The following PLCH2 variants were observed in gnomAD, a reference collection of about 807,000 sequenced individuals.
PLCH2 encodes phospholipase C eta 2.
PLCH2 carries 98 observed loss-of-function variants against 134.7 expected under a neutral mutation model. The observed-to-expected ratio is 0.73, with a 90% CI of 0.62 to 0.86. The LOEUF (loss-of-function observed/expected upper bound fraction) is 0.86. PLCH2 is among the 40% of genes least tolerant of loss of function. The pLI is 0.00. For synonymous variants in PLCH2, 974 were observed against 827.5 expected, an observed-to-expected ratio of 1.18 and a Z score of -3.04; for missense variants, 1,994 against 1,986.6, an observed-to-expected ratio of 1.00 and a Z score of -0.07.
chr1:2,443,952 G>C (rs1639816605), intron 2 of PLCH2, among the ~76,000 whole-genome samples: 16 of 152,006 alleles, frequency 1.1e-4, no homozygotes, highest in Admixed American at 9.2e-4. Flanking sequence ...ATGGACGCGG[G>C]AGCCGCCCCG....
chr1:2,503,903 C>A lies in PLCH2; in HGVS notation c.2960-19C>A. The A allele has an allele frequency of 1.4e-6, 1 of 710,800 alleles. No homozygotes were observed. The highest frequency in any genetic ancestry group is 2.5e-6 in the Non-Finnish European group (1 of 398,994). 44.0% of individuals were successfully genotyped at this position (710,800 alleles called of 1,614,324 possible). ...TGCTTCTCCCTCTGGCTCTCTCTCA[C>A]TCCCCCACCTCCCCACAGACACCCG... On this transcript the variant is annotated intron_variant, in intron 21 of 21. Transcript: ENST00000378486.
chr1:2,436,215 CT>C (rs1639346453), intron 2 of PLCH2, among the ~76,000 whole-genome samples: 1 of 129,014 alleles, frequency 7.8e-6, no homozygotes. Context: ...TCCCTCCTTC[CT>C]TCCTGCCTCC....
rs765611881 is a variant in PLCH2 at position 2,498,775 on chromosome 1, T to C, written c.2381T>C (p.Ile794Thr). The C allele has an allele frequency of 2.2e-5, 35 of 1,611,244 alleles. No homozygotes were observed. Among genetic ancestry groups the C allele is most frequent in the Non-Finnish European group, 2.7e-5 (32 of 1,179,212 alleles). The change falls in exon 18 of 22, where the codon ATT becomes ACT. Residue 794 changes from isoleucine (I) to threonine (T), a missense_variant. Ile to Thr is a moderately conservative substitution (Grantham distance 89, BLOSUM62 -1). Around this residue, in one of 2 missense-constraint regions of PLCH2, gnomAD observed 1,094 missense variants for 1,234.3 expected, o/e 0.89. Coordinates refer to ENST00000378486, the MANE Select transcript of PLCH2 (RefSeq NM_014638.4). This position sits in a 1 kb window ranked among gnomAD's most constrained non-coding sequence, Gnocchi z 5.4. Reference sequence around the variant, plus strand: ...GACCCCTTTGTGGAGGTGGAGATCATTGGGCTCCCTGTGGACTGCAGCAGG... The same window carrying C: ...GACCCCTTTGTGGAGGTGGAGATCACTGGGCTCCCTGTGGACTGCAGCAGG... ...IIDPFVEVEIIGLPVDCSREQ... is the reference protein window; with the variant it reads ...IIDPFVEVEITGLPVDCSREQ...
intron 2 of PLCH2, among the ~76,000 whole-genome samples, chr1:2,460,323 G>A (rs1218352643): frequency 1.3e-5 from 2 of 152,242 alleles, no homozygotes. Flanking sequence ...TCTGGGTGCG[G>A]GGCCTACCTC....
chr1:2,499,666 G>T lies in PLCH2; in HGVS notation c.2607G>T (p.Gly869=). 1 of 1,602,148 alleles carries T rather than the reference G, an allele frequency of 6.2e-7. No homozygotes were observed. The highest frequency in any genetic ancestry group is 8.5e-7 in the Non-Finnish European group (1 of 1,174,884). ...MPGYRHVYLE[G]MEEASIFVHV... ...GCTACAGACACGTGTACCTAGAAGGGATGGAAGAGGCCTCCATCTTCGTGC... is the reference window on the plus strand; with the variant it reads ...GCTACAGACACGTGTACCTAGAAGGTATGGAAGAGGCCTCCATCTTCGTGC... The change falls in exon 20 of 22, where the codon GGG becomes GGT. Residue 869 remains glycine (G), a synonymous_variant. Coordinates refer to ENST00000378486, the MANE Select transcript of PLCH2 (RefSeq NM_014638.4).
At position 2,503,914 on chromosome 1, in the gene PLCH2, C is replaced by T; in HGVS notation, c.2960-8C>T. 1.3e-6 allele frequency: 1 copy of T among 768,344 alleles called. No homozygotes were observed. Among genetic ancestry groups the T allele is most frequent in the Non-Finnish European group, 2.2e-6 (1 of 458,676 alleles). 47.6% of individuals were successfully genotyped at this position (768,344 alleles called of 1,614,324 possible). On this transcript the variant is annotated splice_region_variant and splice_polypyrimidine_tract_variant and intron_variant, in intron 21 of 21. Coordinates refer to ENST00000378486, the MANE Select transcript of PLCH2 (RefSeq NM_014638.4). ...CTGGCTCTCTCTCACTCCCCCACCT[C>T]CCCACAGACACCCGCCCCCTCTCCA...
intron 2 of PLCH2, among the ~76,000 whole-genome samples, chr1:2,454,020 G>C (rs942059821): frequency 2.0e-5 from 3 of 152,126 alleles, no homozygotes; most frequent in African/African-American, 4.8e-5. Context: ...GCCAAGGCTG[G>C]TAGTGGGGTT....
At chr1:2,492,672 G>A (rs1486760917) in intron 11 of PLCH2, 2 of 152,458 alleles carry the variant, frequency 1.3e-5, no homozygotes, top group Non-Finnish European at 2.9e-5. Flanking sequence ...CCCAAGGCCA[G>A]GCCGGGACGC....
rs769178215 is a variant in PLCH2, at chr1:2,476,556, C to T, written c.-33C>T. ...CCCGAAGGCCGGTGGGCCTCTGTGG[C>T]CTCCGTGAAGCAGGCCCGGCTGTCG... On this transcript the variant is annotated 5_prime_UTR_variant, in exon 1 of 22. Coordinates refer to ENST00000378486, the MANE Select transcript of PLCH2 (RefSeq NM_014638.4). 2.0e-6 allele frequency: 3 copies of T among 1,466,722 alleles called. No individual in the cohort carries two copies. The highest frequency in any genetic ancestry group is 1.4e-5 in the South Asian group (1 of 72,312). 90.9% of individuals were successfully genotyped at this position (1,466,722 alleles called of 1,614,324 possible). A position where few individuals can be genotyped will look rare whatever the true frequency, so the allele number is the denominator to read the frequency against.
chr1:2,422,167 G>A (rs1031658838), upstream of PLCH2, among the ~76,000 whole-genome samples: 1 of 152,280 alleles, frequency 6.6e-6, no homozygotes, highest in East Asian at 1.9e-4. Flanking sequence ...TACTCGGGAG[G>A]CTGAGGCAGG....
upstream of PLCH2, among the ~76,000 whole-genome samples, chr1:2,473,178 A>C (rs113330169): frequency 2.0e-4 from 30 of 152,262 alleles, no homozygotes; most frequent in African/African-American, 7.0e-4. Context: ...CTTGGGAAGA[A>C]AGGAAGGGGC....
At chr1:2,443,862 C>A (rs1007614225) in intron 2 of PLCH2, among the ~76,000 whole-genome samples, 12 of 150,244 alleles carry the variant, frequency 8.0e-5, no homozygotes, top group Non-Finnish European at 1.3e-4. Context: ...AGCCCGAGCC[C>A]GGCCGCTGAC....
rs1157359186 is a variant in PLCH2 at position 2,439,275 on chromosome 1, T to A, written c.115+8646T>A. 6.6e-6 allele frequency among the ~76,000 whole-genome samples: 1 copy of A among 152,246 alleles called. No individual in the cohort carries two copies. Among genetic ancestry groups the A allele is most frequent in the East Asian group, 1.9e-4 (1 of 5,158 alleles). ...CCGAGGGTGTCCTCACCCTTCTCGC[T>A]GGCACCAGCCCATGCAGCAAGGTGC... On this transcript the variant is annotated intron_variant, in intron 2 of 3. Coordinates refer to the PLCH2 transcript ENST00000609981. The surrounding 1 kb of genome is among the most constrained non-coding windows in gnomAD (Gnocchi z 4.7).
At position 2,459,496 on chromosome 1, in the gene PLCH2, TCC is replaced by T. The variant is rs1640685545; in HGVS notation, c.116-18979_116-18978del. On this transcript the variant is annotated intron_variant, in intron 2 of 3. Transcript: ENST00000609981. ...TCCTGGTGGTCCTCCTTCCTGGTGG[TCC>T]TCCTTCCTGGTGGTCCTCCTTCCTG... Among the ~76,000 whole-genome samples, 12 of 76,284 alleles carry T rather than the reference TCC, an allele frequency of 1.6e-4. 5 individuals are homozygous for T. Among genetic ancestry groups the T allele is most frequent in the Non-Finnish European group, 3.0e-4 (10 of 33,352 alleles). 50.0% of individuals were successfully genotyped at this position (76,284 alleles called of 152,430 possible). A position where few individuals can be genotyped will look rare whatever the true frequency, so the allele number is the denominator to read the frequency against.
upstream of PLCH2, among the ~76,000 whole-genome samples, chr1:2,425,142 G>A (rs369535209): frequency 7.3e-6 from 1 of 137,036 alleles, no homozygotes; most frequent in South Asian, 2.4e-4. Context: ...CAGCCTAGGC[G>A]ATAGAGTGTG....
chr1:2,437,377 G>C (rs1183067991), intron 2 of PLCH2, among the ~76,000 whole-genome samples: 1 of 152,166 alleles, frequency 6.6e-6, no homozygotes, highest in Non-Finnish European at 1.5e-5. Flanking sequence ...CCTCTGGCCA[G>C]CTGGACAGCT....
At chr1:2,472,261 G>A (rs1288469814), upstream of PLCH2, among the ~76,000 whole-genome samples, 1 of 152,158 alleles carries the variant, frequency 6.6e-6, no homozygotes, top group African/African-American at 2.4e-5. Context: ...GTGTGGGCCC[G>A]GCCCTCCCTC....
intron 1 of PLCH2, among the ~76,000 whole-genome samples, chr1:2,468,900 G>C (rs1179552722): frequency 6.6e-6 from 1 of 152,200 alleles, no homozygotes; most frequent in Non-Finnish European, 1.5e-5. Context: ...GAGCAAGCCT[G>C]TCTGCAGTGG....
intron 2 of PLCH2, chr1:2,479,015 C>A: frequency 4.6e-6 from 1 of 219,002 alleles, no homozygotes; most frequent in Non-Finnish European, 9.2e-6. Flanking sequence ...AGCCACTGGG[C>A]ATGGCTGCTG....
Sources: gnomAD v4.1 joint callset for allele counts (sites outside exome capture counted in the v4.1 genomes callset) on GRCh38, gnomAD v4.1.1 for gene constraint, gnomAD v4.1.1 regional missense constraint, Gnocchi (gnomAD v3.1) non-coding constraint, MANE v1.5 for transcripts, NCBI Gene and HGNC (gene_info 2026-07-23, HGNC 2026-07-21) for gene names.